The following ME2 variants were observed in gnomAD, a reference collection of about 807,000 sequenced individuals.
The protein encoded by ME2 is NAD-dependent malic enzyme, mitochondrial.
In ME2, 60 loss-of-function variants were observed where a neutral mutation model predicts 73.7. The ratio of observed to expected loss-of-function variants is 0.81; its 90% confidence interval spans 0.66 to 1.01. The LOEUF (loss-of-function observed/expected upper bound fraction) is 1.01. Among genes scored for constraint, ME2 ranks in the 50% least tolerant of loss-of-function variants. The probability of loss-of-function intolerance (pLI) is 0.00; values close to 1 mark genes in which losing one functional copy is unlikely to be tolerated. For synonymous variants in ME2, 199 were observed against 236.9 expected (o/e 0.84, Z 1.47); for missense variants, 594 against 705.5 (o/e 0.84, Z 1.79).
chr18:50,929,188 C>T (rs1374495749), intron 12 of ME2, among the ~76,000 whole-genome samples: 6 of 145,774 alleles, frequency 4.1e-5, no homozygotes, highest in South Asian at 2.1e-4. Context: ...CATTGTTAAA[C>T]ACTGTGTAGG....
intron 10 of ME2, among the ~76,000 whole-genome samples, chr18:50,921,390 A>G (rs1917424920): frequency 6.6e-6 from 1 of 151,882 alleles, no homozygotes; most frequent in South Asian, 2.1e-4. Context: ...AATAATCTCT[A>G]TGTTGGCATC....
At chr18:50,888,876 AT>A (rs200412899) in intron 1 of ME2, among the ~76,000 whole-genome samples, 5 of 151,746 alleles carry the variant, frequency 3.3e-5, no homozygotes, top group African/African-American at 1.2e-4. Context: ...TTTAAAAAAA[AT>A]TTTTTTTAAA....
rs140366573 is a variant in ME2, at chr18:50,901,085, A to G, written c.108+5157A>G. Among the ~76,000 whole-genome samples the G allele has an allele frequency of 2.6e-3, 397 of 152,340 alleles. 5 individuals are homozygous for G. The Middle Eastern group carries it at 0.027, about 10-fold the overall frequency. On this transcript the variant is annotated intron_variant, in intron 2 of 15. Transcript: ENST00000321341. The stretch of plus-strand genomic sequence containing the variant: ...ATAATTGTGGATTTGTGATGAACAG[A>G]GCTTGCCACTTAGTTATAATTTGCC...
chr18:50,945,272 C>T (rs1355770081), intron 15 of ME2: 1 of 152,238 alleles, frequency 6.6e-6, no homozygotes. Context: ...TGCCCGCCAC[C>T]ACGCCTGACT....
chr18:50,912,764 G>GA, intron 3 of ME2, 37 bp from the exon 4 acceptor site: 1 of 1,443,866 alleles, frequency 6.9e-7, no homozygotes, highest in African/African-American at 1.4e-5. Flanking sequence ...ATGTAATGCA[G>GA]GCTGACTTAG....
Position 50,947,165 on chromosome 18 carries a change from CTCCTGTGATAACAGAATAG to C in ME2, c.1737_1755del (p.Pro580SerfsTer36), listed in dbSNP as rs1918105112. ...GAATGGCCAGAATCTGCATCAAGCC[CTCCTGTGATAACAGAATAG>C]AAGCACTCCCCTGATAAATACTTTC... On this transcript the variant is annotated frameshift_variant and stop_lost, in exon 16 of 16. Coordinates refer to ENST00000321341, the MANE Select transcript of ME2 (RefSeq NM_002396.5). LOFTEE classifies it high-confidence loss of function. 6.2e-7 allele frequency: 1 copy of C among 1,613,190 alleles called. No individual in the cohort carries two copies.
intron 13 of ME2, chr18:50,934,975 A>G (rs1917783481): frequency 6.6e-6 from 1 of 152,198 alleles, no homozygotes; most frequent in Non-Finnish European, 1.5e-5. Flanking sequence ...TGTGCTTTTC[A>G]TGGAAAGTGG....
intron 1 of ME2, among the ~76,000 whole-genome samples, chr18:50,894,592 C>T (rs754877728): frequency 4.8e-5 from 7 of 144,772 alleles, no homozygotes; most frequent in African/African-American, 7.8e-5. Context: ...CTATTTTGGC[C>T]GGGAACGGTG....
intron 15 of ME2, among the ~76,000 whole-genome samples, chr18:50,945,484 C>T (rs1918062538): frequency 6.6e-6 from 1 of 152,136 alleles, no homozygotes; most frequent in Non-Finnish European, 1.5e-5. Context: ...CTAGCCCTTC[C>T]CTACTTCTTT....
intron 1 of ME2, among the ~76,000 whole-genome samples, chr18:50,880,756 G>A (rs368452793): frequency 6.8e-4 from 103 of 152,162 alleles, no homozygotes; most frequent in Non-Finnish European, 8.8e-4. Context: ...AGGAAATGTT[G>A]GGCTATGCTT....
chr18:50,913,296 A>G (rs1487116409), intron 4 of ME2: 4 of 166,804 alleles, frequency 2.4e-5, no homozygotes, highest in African/African-American at 9.6e-5. Flanking sequence ...AGTCAAATTA[A>G]GAGATTTTTT....
intron 3 of ME2, among the ~76,000 whole-genome samples, chr18:50,911,835 C>T (rs534766061): frequency 6.6e-6 from 1 of 152,062 alleles, no homozygotes; most frequent in Non-Finnish European, 1.5e-5. Flanking sequence ...TTGGAAGCGA[C>T]TTAAGGAGAA....
rs139324504 is a variant in ME2, at chr18:50,886,052, A to G, written c.-13+6744A>G. ...CTTTTAGATTGTACACATTTAATAG[A>G]TATCCATTATTAGATTCAGATAGTG... On this transcript the variant is annotated intron_variant, in intron 1 of 15. Transcript: ENST00000321341. 8.6e-4 allele frequency among the ~76,000 whole-genome samples: 131 copies of G among 152,276 alleles called. 1 individual carries two copies. The highest frequency in any genetic ancestry group is 2.7e-3 in the African/African-American group (114 of 41,550).
rs1451990950 is a variant in ME2 at position 50,908,164 on chromosome 18, A to G, written c.210A>G (p.Arg70=). ...ATATTCAAGCCTTACGATTTCATAGAAACTTGAAGAAAATGACTAGCCCTT... is the reference window on the plus strand; with the variant it reads ...ATATTCAAGCCTTACGATTTCATAGGAACTTGAAGAAAATGACTAGCCCTT... The part of the protein sequence containing the change: ...TQDIQALRFH[R]NLKKMTSPLE... Residue 70 remains arginine, a synonymous_variant, in exon 3 of 16, where the codon AGA becomes AGG. Coordinates refer to ENST00000321341, the MANE Select transcript of ME2 (RefSeq NM_002396.5). The G allele has an allele frequency of 1.2e-6, 2 of 1,603,126 alleles. No homozygotes were observed. The highest frequency in any genetic ancestry group is 1.7e-6 in the Non-Finnish European group (2 of 1,176,318).
intron 5 of ME2, 90 bp downstream of exon 5, chr18:50,916,333 T>G: frequency 9.6e-7 from 1 of 1,041,524 alleles, no homozygotes; most frequent in South Asian, 1.4e-5. Context: ...TCATTGTTGC[T>G]CTCATTTATT....
chr18:50,884,091 T>A (rs907942664), intron 1 of ME2, among the ~76,000 whole-genome samples: 2 of 152,158 alleles, frequency 1.3e-5, no homozygotes, highest in African/African-American at 4.8e-5. Flanking sequence ...TGTTCTAAGT[T>A]CCAATTTCGG....
chr18:50,898,835 G>A (rs1278705346), intron 2 of ME2, among the ~76,000 whole-genome samples: 3 of 152,246 alleles, frequency 2.0e-5, no homozygotes, highest in South Asian at 4.1e-4. Flanking sequence ...ATGAAACTTT[G>A]GCAAACCCTT....
intron 10 of ME2, among the ~76,000 whole-genome samples, chr18:50,923,480 G>A (rs1411413601): frequency 6.6e-6 from 1 of 152,116 alleles, no homozygotes; most frequent in Admixed American, 6.6e-5. Flanking sequence ...AGCCAGGAGT[G>A]GTGGCTCATG....
At chr18:50,888,972 A>T (rs1916545361) in intron 1 of ME2, among the ~76,000 whole-genome samples, 1 of 152,194 alleles carries the variant, frequency 6.6e-6, no homozygotes, top group African/African-American at 2.4e-5. Context: ...AAGCCAGTGT[A>T]TTCTGGATAT....
Sources: gnomAD v4.1 joint callset for allele counts (sites outside exome capture counted in the v4.1 genomes callset) on GRCh38, gnomAD v4.1.1 for gene constraint, MANE v1.5 for transcripts, NCBI Gene and HGNC (gene_info 2026-07-23, HGNC 2026-07-21) for gene names.